The following XPNPEP1 variants were observed in gnomAD, a reference collection of about 807,000 sequenced individuals.
XPNPEP1 encodes the protein X-prolyl aminopeptidase 1.
A neutral mutation model predicts 92.4 loss-of-function variants in XPNPEP1; 39 were observed. That is an observed-to-expected ratio of 0.42 (90% CI 0.33 to 0.55). The LOEUF is 0.55. Ranked by LOEUF, XPNPEP1 falls within the 20% of genes least tolerant of loss-of-function variation. The probability of loss-of-function intolerance (pLI) is 0.08; values close to 1 mark genes in which losing one functional copy is unlikely to be tolerated. For missense variants in XPNPEP1, 654 were observed against 856.1 expected, an observed-to-expected ratio of 0.76 and a Z score of 2.95; for synonymous variants, 307 against 299.4, an observed-to-expected ratio of 1.03 and a Z score of -0.26.
At chr10:109,892,877 T>C (rs983758909) in intron 4 of XPNPEP1, 135 bp downstream of exon 4, 2 of 850,926 alleles carry the variant, frequency 2.4e-6, no homozygotes, top group Non-Finnish European at 1.9e-6. Flanking sequence ...ACCCACACCT[T>C]TCTGCAGAGA....
intron 12 of XPNPEP1, among the ~76,000 whole-genome samples, chr10:109,879,287 A>G (rs1458260904): frequency 7.0e-6 from 1 of 143,844 alleles, no homozygotes; most frequent in Non-Finnish European, 1.5e-5. Context: ...TAATTTACAT[A>G]AAGTCCAGGC....
chr10:109,923,386 G>C lies in XPNPEP1; in HGVS notation c.32+16C>G. 2 of 1,432,090 alleles carry C rather than the reference G, an allele frequency of 1.4e-6. No homozygotes were observed. Among genetic ancestry groups the C allele is most frequent in the African/African-American group, 1.5e-5 (1 of 67,256 alleles). 88.7% of individuals were successfully genotyped at this position (1,432,090 alleles called of 1,614,324 possible). On this transcript the variant is annotated intron_variant, in intron 1 of 20. Coordinates refer to ENST00000502935, the MANE Select transcript of XPNPEP1 (RefSeq NM_020383.4). The stretch of plus-strand genomic sequence containing the variant: ...GCACGCTGCCCGGACGCCGGCTGCC[G>C]GCGGAGTGCCCTCACCTTACTCGCG...
At chr10:109,879,622 A>G (rs1008916922) in intron 12 of XPNPEP1, among the ~76,000 whole-genome samples, 1 of 152,144 alleles carries the variant, frequency 6.6e-6, no homozygotes, top group Non-Finnish European at 1.5e-5. Flanking sequence ...ATGAACAATC[A>G]CCAGAAGGAA....
rs947072750 is a variant in XPNPEP1 at position 109,909,631 on chromosome 10, C to A, written c.122-1816G>T. Among the ~76,000 whole-genome samples the A allele has an allele frequency of 4.6e-5, 7 of 152,136 alleles. No homozygotes were observed. In the East Asian group the frequency reaches 1.3e-3, roughly 29 times the overall value. On this transcript the variant is annotated intron_variant, in intron 2 of 20. Transcript: ENST00000502935. ...TATTAGTTAATGTTCTGATAAACAT[C>A]ATAGCTGTAGTCCTATGTCTACATA...
intron 17 of XPNPEP1, 177 bp from the exon 18 acceptor site, chr10:109,871,081 G>A: frequency 3.0e-6 from 2 of 677,040 alleles, no homozygotes; most frequent in East Asian, 6.0e-5. Context: ...GAAACCATCA[G>A]AGCTCAGTCT....
At chr10:109,900,674 C>A (rs1321330077) in intron 3 of XPNPEP1, among the ~76,000 whole-genome samples, 1 of 152,146 alleles carries the variant, frequency 6.6e-6, no homozygotes, top group Non-Finnish European at 1.5e-5. Flanking sequence ...CTCTGAGATC[C>A]TGCAAGGCCT....
intron 1 of XPNPEP1, among the ~76,000 whole-genome samples, chr10:109,918,723 T>C (rs2133579231): frequency 6.6e-6 from 1 of 150,590 alleles, no homozygotes; most frequent in African/African-American, 2.4e-5. Flanking sequence ...ATCGGGCCAC[T>C]GCACTCCAGC....
Position 109,895,885 on chromosome 10 carries a change from G to A in XPNPEP1, c.247-2810C>T, listed in dbSNP as rs532759290. On this transcript the variant is annotated intron_variant, in intron 3 of 20. Coordinates refer to ENST00000502935, the MANE Select transcript of XPNPEP1 (RefSeq NM_020383.4). Reference sequence around the variant, plus strand: ...AGAGTGAGCTTTTCCAAATATCTAAGATCATGTTAGCAACCTCCTTAAAAC... The same window carrying A: ...AGAGTGAGCTTTTCCAAATATCTAAAATCATGTTAGCAACCTCCTTAAAAC... Among the ~76,000 whole-genome samples the A allele has an allele frequency of 4.5e-4, 68 of 152,268 alleles. No homozygotes were observed. The South Asian group carries it at 0.014, about 31-fold the overall frequency.
At chr10:109,896,460 G>A (rs1277201159) in intron 3 of XPNPEP1, among the ~76,000 whole-genome samples, 2 of 128,954 alleles carry the variant, frequency 1.6e-5, no homozygotes, top group African/African-American at 3.0e-5. Flanking sequence ...TTGTAGAAAC[G>A]GGGTTTTACC....
chr10:109,921,282 CAG>C (rs1052123632), intron 1 of XPNPEP1, among the ~76,000 whole-genome samples: 1 of 152,194 alleles, frequency 6.6e-6, no homozygotes, highest in Non-Finnish European at 1.5e-5. Flanking sequence ...TAACTGCTGA[CAG>C]AGCTAGAACC....
intron 14 of XPNPEP1, 197 bp downstream of exon 14, chr10:109,877,593 A>G: frequency 1.5e-6 from 1 of 656,934 alleles, no homozygotes; most frequent in Non-Finnish European, 2.6e-6. Flanking sequence ...TGAGCCTAAG[A>G]AGAGGCTCCC....
intron 2 of XPNPEP1, among the ~76,000 whole-genome samples, chr10:109,912,992 C>A (rs1351421496): frequency 3.5e-4 from 53 of 152,214 alleles, no homozygotes; most frequent in Admixed American, 3.5e-3. Flanking sequence ...ATTCCACATC[C>A]TATGACTTTT....
intron 10 of XPNPEP1, among the ~76,000 whole-genome samples, 157 bp downstream of exon 10, chr10:109,882,275 C>T (rs1848141596): frequency 6.6e-6 from 1 of 152,236 alleles, no homozygotes; most frequent in South Asian, 2.1e-4. Flanking sequence ...TAAGGGCCCT[C>T]AGGCTCTTGC....
intron 2 of XPNPEP1, among the ~76,000 whole-genome samples, chr10:109,908,613 AAAAC>A (rs1849685922): frequency 1.3e-5 from 2 of 152,172 alleles, no homozygotes; most frequent in Non-Finnish European, 2.9e-5. Context: ...AAAACAAAAC[AAAAC>A]AAACAGATGA....
Position 109,923,418 on chromosome 10 carries a change from T to G in XPNPEP1, c.16A>C (p.Lys6Gln). 1 of 1,442,144 alleles carries G rather than the reference T, an allele frequency of 6.9e-7. No individual in the cohort carries two copies. Among genetic ancestry groups the G allele is most frequent in the Non-Finnish European group, 9.1e-7 (1 of 1,097,572 alleles). The allele number at this position is 1,442,144 out of a possible 1,614,324, so 89.3% of individuals were successfully genotyped here. A position where few individuals can be genotyped will look rare whatever the true frequency, so the allele number is the denominator to read the frequency against. The change falls in exon 1 of 21, where the codon AAG (lysine) becomes CAG (glutamine). Residue 6 changes from lysine (K) to glutamine (Q), a missense_variant. Transcript: ENST00000502935. ...TGCCCTCACCTTACTCGCGGTGGCT[T>G]TCTGGAGGCTGCCATTCGGCGGTGA... The part of the protein sequence containing the change: MAASR[K>Q]PPRVRVNHQD...
intron 14 of XPNPEP1, chr10:109,877,127 G>A (rs963925111): frequency 6.6e-6 from 1 of 152,468 alleles, no homozygotes. Context: ...GTATGGACTA[G>A]TACAAAACAG....
intron 1 of XPNPEP1, among the ~76,000 whole-genome samples, chr10:109,921,982 G>C (rs190623791): frequency 6.6e-6 from 1 of 152,182 alleles, no homozygotes; most frequent in Non-Finnish European, 1.5e-5. Context: ...AGAATGAAGC[G>C]GATACTGAAT....
chr10:109,871,915 G>A (rs1403801758), intron 16 of XPNPEP1, 54 bp from the exon 17 acceptor site: 7 of 1,538,794 alleles, frequency 4.5e-6, no homozygotes, highest in Non-Finnish European at 4.4e-6. Flanking sequence ...GTCTAATCCT[G>A]TAGTTTTCTG....
At chr10:109,865,430 CA>C in intron 20 of XPNPEP1, 118 bp from the exon 21 acceptor site, 17 of 1,314,268 alleles carry the variant, frequency 1.3e-5, no homozygotes, top group Non-Finnish European at 1.7e-5. Context: ...AAAAGGTGTG[CA>C]ACACCCTTTC....
Sources: gnomAD v4.1 joint callset for allele counts (sites outside exome capture counted in the v4.1 genomes callset) on GRCh38, gnomAD v4.1.1 for gene constraint, MANE v1.5 for transcripts, NCBI Gene and HGNC (gene_info 2026-07-23, HGNC 2026-07-21) for gene names.